Variants in CTNNA3 observed in about 807,000 individuals in gnomAD.
The protein encoded by CTNNA3 is catenin alpha-3.
In CTNNA3, 76 loss-of-function variants were observed where a neutral mutation model predicts 95.7. The observed-to-expected ratio is 0.79, with a 90% CI of 0.66 to 0.96. The LOEUF is 0.96. CTNNA3 is among the 40% of genes least tolerant of loss of function. The pLI is 0.00. For missense variants in CTNNA3, 1,191 were observed against 1,089.8 expected (o/e 1.09, Z -1.31); for synonymous variants, 431 against 374.4 (o/e 1.15, Z -1.74).
intron 17 of CTNNA3, among the ~76,000 whole-genome samples, chr10:65,934,835 TA>T (rs2077310492): frequency 6.6e-6 from 1 of 152,120 alleles, no homozygotes; most frequent in African/African-American, 2.4e-5. Flanking sequence ...TCATCCTAGG[TA>T]ATCATTGATT....
chr10:66,125,160 T>TA (rs1371810639), intron 13 of CTNNA3, among the ~76,000 whole-genome samples: 1 of 152,104 alleles, frequency 6.6e-6, no homozygotes, highest in Non-Finnish European at 1.5e-5. Context: ...AACTTAGATC[T>TA]AAAAAAAGAA....
At chr10:67,320,173 C>T (rs969267414) in intron 5 of CTNNA3, among the ~76,000 whole-genome samples, 4 of 152,094 alleles carry the variant, frequency 2.6e-5, no homozygotes, top group African/African-American at 9.7e-5. Flanking sequence ...TAAAGCCAGA[C>T]TTTTGAAGCT....
chr10:66,549,049 C>T (rs147691259), intron 10 of CTNNA3, among the ~76,000 whole-genome samples: 8 of 134,354 alleles, frequency 6.0e-5, no homozygotes, highest in East Asian at 2.2e-4. Context: ...AGCACAGTGG[C>T]GCAATCTCCG....
chr10:67,546,187 A>G (rs752256369), intron 3 of CTNNA3, among the ~76,000 whole-genome samples: 14 of 152,220 alleles, frequency 9.2e-5, no homozygotes, highest in Non-Finnish European at 2.1e-4. Context: ...AGGCTGGAGT[A>G]CAGGGGTAAT....
intron 7 of CTNNA3, among the ~76,000 whole-genome samples, chr10:66,836,524 G>A (rs998542739): frequency 5.3e-5 from 8 of 152,044 alleles, no homozygotes; most frequent in African/African-American, 1.4e-4. Flanking sequence ...ACTAGAAAAC[G>A]GGATACCATA....
chr10:67,605,588 A>G (rs1156597390), intron 3 of CTNNA3, among the ~76,000 whole-genome samples: 1 of 152,240 alleles, frequency 6.6e-6, no homozygotes, highest in African/African-American at 2.4e-5. Context: ...TACAGCAACC[A>G]TTTTACTATT....
At chr10:67,703,144 C>A (rs9414965) in intron 1 of CTNNA3, among the ~76,000 whole-genome samples, 11 of 151,952 alleles carry the variant, frequency 7.2e-5, no homozygotes, top group African/African-American at 2.2e-4. Flanking sequence ...ATAGCTTACC[C>A]ACCAAAAAGA....
intron 7 of CTNNA3, among the ~76,000 whole-genome samples, chr10:66,828,848 C>T (rs902709664): frequency 2.0e-5 from 3 of 152,132 alleles, no homozygotes; most frequent in African/African-American, 7.2e-5. Context: ...AGGGTCAGCC[C>T]CCATACAGGT....
intron 7 of CTNNA3, among the ~76,000 whole-genome samples, chr10:67,065,819 C>T (rs1214598519): frequency 6.6e-6 from 1 of 152,026 alleles, no homozygotes; most frequent in African/African-American, 2.4e-5. Context: ...GCAAGTTATG[C>T]TAAACCAGTG....
chr10:67,688,024 C>T (rs761637218), intron 1 of CTNNA3, among the ~76,000 whole-genome samples: 2 of 152,172 alleles, frequency 1.3e-5, no homozygotes, highest in Non-Finnish European at 2.9e-5. Flanking sequence ...TCTCCAAACT[C>T]TCGGGCTGCA....
chr10:67,619,247 TG>T (rs1843750844), intron 2 of CTNNA3, among the ~76,000 whole-genome samples: 1 of 152,174 alleles, frequency 6.6e-6, no homozygotes, highest in Non-Finnish European at 1.5e-5. Context: ...CAAAACAGCA[TG>T]GCACTGGCAT....
intron 15 of CTNNA3, among the ~76,000 whole-genome samples, chr10:66,053,016 A>C (rs1420214464): frequency 6.6e-6 from 1 of 152,042 alleles, no homozygotes; most frequent in African/African-American, 2.4e-5. Flanking sequence ...AAATAAATCC[A>C]AACTACTCTA....
intron 12 of CTNNA3, among the ~76,000 whole-genome samples, chr10:66,300,644 T>C (rs1412614352): frequency 6.6e-6 from 1 of 151,784 alleles, no homozygotes; most frequent in Non-Finnish European, 1.5e-5. Context: ...CATGAACACT[T>C]TAGATACATA....
chr10:66,802,717 GA>G (rs532442768), intron 7 of CTNNA3, among the ~76,000 whole-genome samples: 1,505 of 139,292 alleles, frequency 0.011, 34 homozygotes, highest in South Asian at 0.057. Context: ...GCCCCAAACC[GA>G]AAAAAAAAAA....
chr10:65,992,613 G>T (rs2078567681), intron 15 of CTNNA3, among the ~76,000 whole-genome samples: 1 of 151,852 alleles, frequency 6.6e-6, no homozygotes, highest in African/African-American at 2.4e-5. Flanking sequence ...TTATAATTTT[G>T]TTTATTTGGG....
At position 66,157,207 on chromosome 10, in the gene CTNNA3, C is replaced by T. The variant is rs138433008; in HGVS notation, c.1885-53958G>A. 9.0e-4 allele frequency among the ~76,000 whole-genome samples: 137 copies of T among 151,990 alleles called. 2 individuals are homozygous for T. The East Asian group carries it at 0.014, about 15-fold the overall frequency. The stretch of plus-strand genomic sequence containing the variant: ...CCCTCGTCCCCCTCCCACTACTCCT[C>T]GCAAGTCCCCAAAGTCCATTGTATC... On this transcript the variant is annotated intron_variant, in intron 13 of 17. Transcript: ENST00000433211.
intron 7 of CTNNA3, among the ~76,000 whole-genome samples, chr10:66,785,917 A>G (rs1840721965): frequency 6.6e-6 from 1 of 152,210 alleles, no homozygotes; most frequent in East Asian, 1.9e-4. Context: ...AAATTGTTCC[A>G]TGTTTTCAGG....
chr10:66,848,261 T>C (rs1311566779), intron 7 of CTNNA3, among the ~76,000 whole-genome samples: 1 of 152,208 alleles, frequency 6.6e-6, no homozygotes, highest in Non-Finnish European at 1.5e-5. Flanking sequence ...TTACACATAA[T>C]TTAATGAGCC....
At chr10:67,124,435 T>C (rs1229398122) in intron 7 of CTNNA3, among the ~76,000 whole-genome samples, 1 of 84,772 alleles carries the variant, frequency 1.2e-5, no homozygotes, top group Non-Finnish European at 2.1e-5. Context: ...CATAAACAAA[T>C]CTATATGGAA....
Sources: allele counts gnomAD v4.1 joint callset (sites outside exome capture counted in the v4.1 genomes callset), GRCh38; gene constraint gnomAD v4.1.1; transcripts MANE v1.5; gene names NCBI Gene and HGNC (gene_info 2026-07-23, HGNC 2026-07-21).